SENP7: variants seen among roughly 807,000 people sequenced by gnomAD.
SENP7 encodes SUMO specific peptidase 7.
SENP7 carries 64 observed loss-of-function variants against 141.2 expected under a neutral mutation model. The ratio of observed to expected loss-of-function variants is 0.45; its 90% CI spans 0.37 to 0.56. The LOEUF (loss-of-function observed/expected upper bound fraction) is 0.56, where lower values mean the gene tolerates loss of function less well. Ranked by LOEUF, SENP7 falls within the 20% of genes least tolerant of loss-of-function variation. The pLI is 0.00. For missense variants in SENP7, 1,025 were observed against 1,212.2 expected (o/e 0.85, Z 2.29); for synonymous variants, 382 against 426.4 (o/e 0.90, Z 1.28).
At chr3:101,478,583 AC>A (rs1440308241) in intron 3 of SENP7, among the ~76,000 whole-genome samples, 1 of 152,174 alleles carries the variant, frequency 6.6e-6, no homozygotes, top group East Asian at 1.9e-4. Flanking sequence ...AAAGCCCACG[AC>A]CTGATGGCTT....
At chr3:101,348,077 T>C (rs1559699852) in intron 12 of SENP7, 26 bp from the exon 13 acceptor site, 12 of 1,499,750 alleles carry the variant, frequency 8.0e-6, no homozygotes, top group Non-Finnish European at 1.1e-5. Flanking sequence ...GACAACAATT[T>C]AAAAAATTAA....
intron 10 of SENP7, 28 bp from the exon 11 acceptor site, chr3:101,361,889 T>A: frequency 6.4e-7 from 1 of 1,572,754 alleles, no homozygotes; most frequent in Non-Finnish European, 8.6e-7. Flanking sequence ...ATAAAATGCA[T>A]ATAATTCTTA....
chr3:101,453,789 C>A (rs931322538), intron 4 of SENP7, among the ~76,000 whole-genome samples: 2 of 151,820 alleles, frequency 1.3e-5, no homozygotes, highest in Non-Finnish European at 1.5e-5. Flanking sequence ...ATGGGTGCAG[C>A]ACACCAACAT....
Position 101,368,040 on chromosome 3 carries a change from G to A in SENP7, c.797-29C>T, listed in dbSNP as rs1252086798. 7.2e-6 allele frequency: 11 copies of A among 1,535,984 alleles called. No individual in the cohort carries two copies. The Admixed American group carries it at 1.2e-4, about 16-fold the overall frequency. Reference sequence around the variant, plus strand: ...AAAAAACAAATGAAGCATAAATATGGACAAAAAAGTATAGAGAGAATCTCT... The same window carrying A: ...AAAAAACAAATGAAGCATAAATATGAACAAAAAAGTATAGAGAGAATCTCT... On this transcript the variant is annotated intron_variant, in intron 7 of 23. Coordinates refer to ENST00000394095, the MANE Select transcript of SENP7 (RefSeq NM_020654.5).
At chr3:101,410,168 A>G (rs185249385) in intron 5 of SENP7, among the ~76,000 whole-genome samples, 10 of 152,342 alleles carry the variant, frequency 6.6e-5, no homozygotes, top group Non-Finnish European at 2.9e-5. Context: ...CAAATGGCCA[A>G]AAAACATATG....
Position 101,343,898 on chromosome 3 carries a change from C to T in SENP7, c.1894G>A (p.Glu632Lys). The T allele has an allele frequency of 6.2e-7, 1 of 1,611,568 alleles. No individual in the cohort carries two copies. The stretch of plus-strand genomic sequence containing the variant: ...GTCATAATATCTTTCAGCTTCAATT[C>T]TTCTCTTTGTGAAACAGGATTGTGT... The part of the protein sequence containing the change: ...ELHNPVSQRE[E>K]LKLKDIMTEI... Residue 632 changes from glutamate (E) to lysine (K), a missense_variant, in exon 14 of 24, where the codon GAA (glutamate) becomes AAA (lysine). By Grantham distance (56) the Glu-to-Lys change is moderately conservative. Coordinates refer to ENST00000394095, the MANE Select transcript of SENP7 (RefSeq NM_020654.5).
At chr3:101,326,121 T>C (rs769217588) in intron 23 of SENP7, 41 bp from the exon 24 acceptor site, 180 of 1,452,290 alleles carry the variant, frequency 1.2e-4, no homozygotes, top group Middle Eastern at 7.3e-4. Context: ...TTTAGCAGCA[T>C]AATTTCAAAT....
intron 3 of SENP7, among the ~76,000 whole-genome samples, chr3:101,467,540 T>A (rs965295546): frequency 6.6e-6 from 1 of 152,202 alleles, no homozygotes; most frequent in Admixed American, 6.5e-5. Flanking sequence ...TTCTGCAGCC[T>A]CCATTGGTGA....
chr3:101,418,721 T>C (rs932881509), intron 4 of SENP7, among the ~76,000 whole-genome samples: 1 of 150,356 alleles, frequency 6.7e-6, no homozygotes, highest in South Asian at 2.1e-4. Flanking sequence ...GCCATTTGAG[T>C]GTATATCCCC....
At chr3:101,449,960 G>C (rs531050605) in intron 4 of SENP7, among the ~76,000 whole-genome samples, 1 of 152,108 alleles carries the variant, frequency 6.6e-6, no homozygotes, top group African/African-American at 2.4e-5. Flanking sequence ...GCTATATTCA[G>C]GAAACCCATT....
At chr3:101,499,103 T>C (rs1462904334) in intron 2 of SENP7, among the ~76,000 whole-genome samples, 1 of 152,134 alleles carries the variant, frequency 6.6e-6, no homozygotes, top group Non-Finnish European at 1.5e-5. Context: ...AGGAACTCTG[T>C]AAAATTTCTG....
intron 7 of SENP7, 76 bp downstream of exon 7, chr3:101,371,932 T>C: frequency 3.8e-6 from 2 of 519,660 alleles, no homozygotes; most frequent in Non-Finnish European, 6.2e-6. Flanking sequence ...AATAAAATAA[T>C]TTATTTATAA....
chr3:101,367,311 G>A (rs556154759), intron 8 of SENP7, among the ~76,000 whole-genome samples: 1 of 152,096 alleles, frequency 6.6e-6, no homozygotes, highest in Admixed American at 6.5e-5. Context: ...CTGTCTTACT[G>A]TTTTATTGCT....
chr3:101,365,070 T>G, intron 9 of SENP7, 79 bp from the exon 10 acceptor site: 1 of 952,328 alleles, frequency 1.1e-6, no homozygotes, highest in African/African-American at 1.7e-5. Flanking sequence ...TCTCCCCATC[T>G]CGGCTCACTG....
Position 101,458,938 on chromosome 3 carries a change from A to G in SENP7, c.284+17T>C, listed in dbSNP as rs574586035. 10 of 1,473,024 alleles carry G rather than the reference A, an allele frequency of 6.8e-6. No individual in the cohort carries two copies. The highest frequency in any genetic ancestry group is 5.4e-5 in the Admixed American group (3 of 55,448). 91.2% of individuals were successfully genotyped at this position (1,473,024 alleles called of 1,614,324 possible). ...ATAGGTTAAGCCCATACTATGTCGC[A>G]CACACACATATCTTACCTTTCTGGT... is the stretch of plus-strand genomic sequence containing the variant. On this transcript the variant is annotated intron_variant, in intron 4 of 23. Transcript: ENST00000394095.
At chr3:101,437,195 A>G (rs1024147817) in intron 4 of SENP7, among the ~76,000 whole-genome samples, 34 of 152,134 alleles carry the variant, frequency 2.2e-4, no homozygotes, top group African/African-American at 7.5e-4. Context: ...GGACCTAGAG[A>G]GTAGAAGGAT....
In SENP7 at chr3:101,459,022, A is replaced by G. The variant is rs781213386; in HGVS notation, c.217T>C (p.Ser73Pro). 1 of 1,602,684 alleles carries G rather than the reference A, an allele frequency of 6.2e-7. No individual in the cohort carries two copies. Among genetic ancestry groups the G allele is most frequent in the Non-Finnish European group, 8.5e-7 (1 of 1,173,892 alleles). The stretch of plus-strand genomic sequence containing the variant: ...TGTTTTTTATTTTTATGGTCTAGAG[A>G]GATGACTTTATTCCTTAGGCTTCTT... ...WERSLRNKVI[S>P]LDHKNKKHIR... The change falls in exon 4 of 24, where the codon TCT becomes CCT. Residue 73 changes from serine (S) to proline (P), a missense_variant. This residue lies in a region of SENP7 where 496 missense variants were observed against 503.5 expected (regional missense o/e 0.99). Coordinates refer to ENST00000394095, the MANE Select transcript of SENP7 (RefSeq NM_020654.5).
At chr3:101,493,735 G>T (rs2065051305) in intron 3 of SENP7, 138 bp downstream of exon 3, 2 of 497,176 alleles carry the variant, frequency 4.0e-6, no homozygotes, top group Non-Finnish European at 7.1e-6. Context: ...TGCCAAAAAT[G>T]AACTAAAATC....
intron 6 of SENP7, among the ~76,000 whole-genome samples, chr3:101,374,771 CAA>C (rs58234121): frequency 1.0e-4 from 11 of 106,694 alleles, no homozygotes; most frequent in Non-Finnish European, 1.2e-4. Flanking sequence ...GGCTCTGTCT[CAA>C]AAAAAAAAAA....
Sources: allele counts gnomAD v4.1 joint callset (sites outside exome capture counted in the v4.1 genomes callset), GRCh38; gene constraint gnomAD v4.1.1; regional missense constraint gnomAD v4.1.1; transcripts MANE v1.5; gene names NCBI Gene and HGNC (gene_info 2026-07-23, HGNC 2026-07-21).